The following FBXW2 variants were observed in gnomAD, a reference collection of about 807,000 sequenced individuals.
FBXW2 encodes F-box and WD repeat domain containing 2.
A neutral mutation model predicts 46.0 loss-of-function variants in FBXW2; 12 were observed. That is an observed-to-expected ratio of 0.26 (90% CI 0.17 to 0.42). FBXW2 has a LOEUF of 0.42. Among genes scored for constraint, FBXW2 ranks in the 10% least tolerant of loss-of-function variants. FBXW2 has a pLI of 1.00. For missense variants in FBXW2, 360 were observed against 537.0 expected, an observed-to-expected ratio of 0.67 and a Z score of 3.26; for synonymous variants, 203 against 209.6, an observed-to-expected ratio of 0.97 and a Z score of 0.27.
Position 120,763,633 on chromosome 9 carries a change from A to G in FBXW2, c.*926T>C, listed in dbSNP as rs1001745568. ...TTTCATTTAAATATTATCCGACCTG[A>G]AAGAAACCATGAATCAGGGATCAGA... On this transcript the variant is annotated 3_prime_UTR_variant, in exon 8 of 8. Transcript: ENST00000608872. The G allele has an allele frequency of 6.6e-6, 1 of 152,232 alleles. No homozygotes were observed. The highest frequency in any genetic ancestry group is 2.4e-5 in the African/African-American group (1 of 41,464). The allele number at this position is 152,232 out of a possible 1,614,324, so 9.4% of individuals were successfully genotyped here.
chr9:120,758,802 G>GT lies in FBXW2; in HGVS notation c.*5756dup. The GT allele has an allele frequency of 6.6e-6, 1 of 152,300 alleles. No homozygotes were observed. Among genetic ancestry groups the GT allele is most frequent in the South Asian group, 2.1e-4 (1 of 4,828 alleles). 9.4% of individuals were successfully genotyped at this position (152,300 alleles called of 1,614,324 possible). On this transcript the variant is annotated 3_prime_UTR_variant, in exon 8 of 8. Coordinates refer to ENST00000608872, the MANE Select transcript of FBXW2 (RefSeq NM_012164.4). ...ACTCAAATGACAAGAAGCCCCGTAAGTTTAAGTTAGTAAGAAAGAACTCAT... is the reference window on the plus strand; with the variant it reads ...ACTCAAATGACAAGAAGCCCCGTAAGTTTTAAGTTAGTAAGAAAGAACTCAT...
Position 120,778,495 on chromosome 9 carries a change from C to T in FBXW2, c.541G>A (p.Val181Ile), listed in dbSNP as rs755208787. ...KLWDVSTGQCVYGIQTHTCAA... is the reference protein window; with the variant it reads ...KLWDVSTGQCIYGIQTHTCAA... ...CAAGTGTGGGTCTGGATGCCATAAA[C>T]GCACTGCCCTGTGCTCACATCCCAC... Residue 181 changes from valine (V) to isoleucine (I), a missense_variant, in exon 4 of 8, where the codon GTT becomes ATT. Physicochemically the swap from Val to Ile is conservative, Grantham distance 29. Transcript: ENST00000608872. The T allele has an allele frequency of 2.9e-5, 46 of 1,614,026 alleles. No individual in the cohort carries two copies. The highest frequency in any genetic ancestry group is 1.2e-4 in the South Asian group (11 of 91,070).
chr9:120,762,592 T>A lies in FBXW2; in HGVS notation c.*1967A>T, dbSNP rs1243824829. 4 of 152,192 alleles carry A rather than the reference T, an allele frequency of 2.6e-5. No individual in the cohort carries two copies. The allele number at this position is 152,192 out of a possible 1,614,324, so 9.4% of individuals were successfully genotyped here. On this transcript the variant is annotated 3_prime_UTR_variant, in exon 8 of 8. Coordinates refer to ENST00000608872, the MANE Select transcript of FBXW2 (RefSeq NM_012164.4). ...TATTAATGATATCTGTCCTTGAAAT[T>A]CACCATTAATTTCTATCAACTTCAC...
chr9:120,776,097 G>A lies in FBXW2; in HGVS notation c.815C>T (p.Thr272Ile). The A allele has an allele frequency of 6.2e-7, 1 of 1,613,418 alleles. No individual in the cohort carries two copies. Among genetic ancestry groups the A allele is most frequent in the Non-Finnish European group, 8.5e-7 (1 of 1,179,822 alleles). ...NTLTGHTEWV[T>I]KVVLQKCKVK... ...ACTTCTTCCAAGTCTTCCTACCTTG[G>A]TGACCCATTCCGTGTGCCCGGTGAG... The change falls in exon 5 of 8, where the codon ACC becomes ATC. Residue 272 changes from threonine to isoleucine, a missense_variant. Physicochemically the swap from Thr to Ile is moderately conservative, Grantham distance 89. Coordinates refer to ENST00000608872, the MANE Select transcript of FBXW2 (RefSeq NM_012164.4).
chr9:120,785,140 T>C (rs780481854), intron 3 of FBXW2, among the ~76,000 whole-genome samples: 21 of 151,788 alleles, frequency 1.4e-4, no homozygotes, highest in Admixed American at 3.3e-4. Context: ...TCCCAAGTAG[T>C]TGGGACCACA....
chr9:120,768,837 A>G (rs2044321138), intron 7 of FBXW2, among the ~76,000 whole-genome samples: 1 of 152,150 alleles, frequency 6.6e-6, no homozygotes, highest in Non-Finnish European at 1.5e-5. Context: ...AACATAAAAT[A>G]AAAACGAAAA....
chr9:120,783,086 T>C (rs2044650526), intron 3 of FBXW2, among the ~76,000 whole-genome samples: 1 of 152,136 alleles, frequency 6.6e-6, no homozygotes, highest in Non-Finnish European at 1.5e-5. Context: ...TTATGTTATG[T>C]ATGTTTTCGC....
rs780971032 is a variant in FBXW2, at chr9:120,771,464, G to A, written c.960C>T (p.Val320=). ...GCAGGCAGATACTTCTATCCTCAGAGACAGACAATGTCTTTAAGCACTTAC... is the reference window on the plus strand; with the variant it reads ...GCAGGCAGATACTTCTATCCTCAGAAACAGACAATGTCTTTAAGCACTTAC... ...INCKCLKTLS[V]SEDRSICLQP... Residue 320 remains valine, a synonymous_variant, in exon 7 of 8, where the codon GTC becomes GTT. Transcript: ENST00000608872. The A allele has an allele frequency of 1.2e-6, 2 of 1,614,128 alleles. No individual in the cohort carries two copies. Among genetic ancestry groups the A allele is most frequent in the Non-Finnish European group, 1.7e-6 (2 of 1,180,012 alleles).
Position 120,760,010 on chromosome 9 carries a change from A to G in FBXW2, c.*4549T>C, listed in dbSNP as rs1392820501. 1 of 152,232 alleles carries G rather than the reference A, an allele frequency of 6.6e-6. No individual in the cohort carries two copies. The highest frequency in any genetic ancestry group is 1.9e-4 in the East Asian group (1 of 5,206). The allele number at this position is 152,232 out of a possible 1,614,324, so 9.4% of individuals were successfully genotyped here. A position where few individuals can be genotyped will look rare whatever the true frequency, so the allele number is the denominator to read the frequency against. On this transcript the variant is annotated 3_prime_UTR_variant, in exon 8 of 8. Transcript: ENST00000608872. Reference sequence around the variant, plus strand: ...GCATGGGGAACCTTTGATCAGAAACACTGCCAAAGATGGCTAATGGGCATT... The same window carrying G: ...GCATGGGGAACCTTTGATCAGAAACGCTGCCAAAGATGGCTAATGGGCATT...
chr9:120,780,837 G>A (rs1040105152), intron 3 of FBXW2, among the ~76,000 whole-genome samples: 6 of 152,050 alleles, frequency 3.9e-5, no homozygotes, highest in Admixed American at 3.9e-4. Flanking sequence ...ATAGTAGCTG[G>A]CAGGCACTAC....
rs1480019719 is a variant in FBXW2, at chr9:120,764,480, C to T, written c.*79G>A. The T allele has an allele frequency of 1.6e-5, 24 of 1,472,228 alleles. No homozygotes were observed. The highest frequency in any genetic ancestry group is 2.2e-5 in the Non-Finnish European group (24 of 1,076,668). 91.2% of individuals were successfully genotyped at this position (1,472,228 alleles called of 1,614,324 possible). ...CATTAGGTGAGAACTTTGGTTCATG[C>T]AGTCGGCTGCCGCAGAGGTTGCACC... On this transcript the variant is annotated 3_prime_UTR_variant, in exon 8 of 8. Coordinates refer to ENST00000608872, the MANE Select transcript of FBXW2 (RefSeq NM_012164.4).
At position 120,758,425 on chromosome 9, in the gene FBXW2, GGA is replaced by G. The variant is rs1347858929; in HGVS notation, c.*6132_*6133del. The G allele has an allele frequency of 1.4e-4, 21 of 152,236 alleles. No individual in the cohort carries two copies. Among genetic ancestry groups the G allele is most frequent in the Admixed American group, 1.4e-3 (21 of 15,274 alleles). 9.4% of individuals were successfully genotyped at this position (152,236 alleles called of 1,614,324 possible). A position where few individuals can be genotyped will look rare whatever the true frequency, so the allele number is the denominator to read the frequency against. ...AATCCAGATGTGCCCTGATGGTAACGGAGAGTTACCAAGATTGAACAAGAGCA... is the reference window on the plus strand; with the variant it reads ...AATCCAGATGTGCCCTGATGGTAACGGAGTTACCAAGATTGAACAAGAGCA... On this transcript the variant is annotated 3_prime_UTR_variant, in exon 8 of 8. Transcript: ENST00000608872.
At chr9:120,772,637 G>C in intron 6 of FBXW2, 117 bp downstream of exon 6, 1 of 629,186 alleles carries the variant, frequency 1.6e-6, no homozygotes, top group South Asian at 2.1e-5. Context: ...AAATGGCTTG[G>C]ACTAAGACAC....
intron 2 of FBXW2, among the ~76,000 whole-genome samples, chr9:120,792,688 CCT>C (rs749135011): frequency 2.8e-4 from 42 of 152,276 alleles, no homozygotes; most frequent in South Asian, 6.2e-4. Flanking sequence ...TGTCTCATGC[CCT>C]GTTTCCTCAC....
chr9:120,773,583 A>G (rs960968378), intron 5 of FBXW2, among the ~76,000 whole-genome samples: 15 of 152,232 alleles, frequency 9.9e-5, no homozygotes, highest in South Asian at 4.1e-4. Context: ...AGCACTTGAG[A>G]TAAGTATATA....
intron 2 of FBXW2, 69 bp downstream of exon 2, chr9:120,793,080 A>G (rs2044886614): frequency 3.5e-6 from 3 of 864,474 alleles, no homozygotes; most frequent in Non-Finnish European, 1.8e-6. Flanking sequence ...TCTAAAATCC[A>G]GATCCCATCA....
chr9:120,783,365 C>T (rs1020529075), intron 3 of FBXW2, among the ~76,000 whole-genome samples: 1 of 152,046 alleles, frequency 6.6e-6, no homozygotes, highest in African/African-American at 2.4e-5. Flanking sequence ...AGTGATGCAG[C>T]ATAGAGGTGA....
At chr9:120,775,874 T>C (rs1245470607) in intron 5 of FBXW2, among the ~76,000 whole-genome samples, 2 of 152,184 alleles carry the variant, frequency 1.3e-5, no homozygotes, top group East Asian at 3.8e-4. Flanking sequence ...ATCCACCTAA[T>C]ATATTGTGGG....
At position 120,763,596 on chromosome 9, in the gene FBXW2, C is replaced by A. The variant is rs1383263018; in HGVS notation, c.*963G>T. The A allele has an allele frequency of 1.3e-5, 2 of 152,202 alleles. No individual in the cohort carries two copies. The highest frequency in any genetic ancestry group is 2.9e-5 in the Non-Finnish European group (2 of 68,026). The allele number at this position is 152,202 out of a possible 1,614,324, so 9.4% of individuals were successfully genotyped here. ...ATAATTGATGTTCTTATAGAAAACT[C>A]TGTAACAGTCATTTCATTTAAATAT... On this transcript the variant is annotated 3_prime_UTR_variant, in exon 8 of 8. Transcript: ENST00000608872.
Sources: gnomAD v4.1 joint callset for allele counts (sites outside exome capture counted in the v4.1 genomes callset) on GRCh38, gnomAD v4.1.1 for gene constraint, MANE v1.5 for transcripts, NCBI Gene and HGNC (gene_info 2026-07-23, HGNC 2026-07-21) for gene names.